Variants in SLC35F1 observed in about 807,000 individuals in gnomAD.
The protein encoded by SLC35F1 is solute carrier family 35 member F1.
In SLC35F1, 14 loss-of-function variants were observed where a neutral mutation model predicts 48.7. The ratio of observed to expected loss-of-function variants is 0.29; its 90% CI spans 0.19 to 0.45. SLC35F1 has a LOEUF of 0.45. Among genes scored for constraint, SLC35F1 ranks in the 20% least tolerant of loss-of-function variants. The pLI is 1.00. For synonymous variants in SLC35F1, 190 were observed against 202.2 expected, an observed-to-expected ratio of 0.94 and a Z score of 0.51; for missense variants, 404 against 500.0, an observed-to-expected ratio of 0.81 and a Z score of 1.83.
At chr6:118,131,207 T>G (rs1252630551) in intron 1 of SLC35F1, among the ~76,000 whole-genome samples, 2 of 152,042 alleles carry the variant, frequency 1.3e-5, no homozygotes, top group Non-Finnish European at 2.9e-5. Context: ...AAGAATTTTT[T>G]TATTGATTCA....
intron 3 of SLC35F1, among the ~76,000 whole-genome samples, chr6:118,264,117 G>C (rs1293898266): frequency 6.6e-6 from 1 of 152,216 alleles, no homozygotes; most frequent in Non-Finnish European, 1.5e-5. Context: ...TCTAAACTGA[G>C]GAGATACTGC....
chr6:118,216,816 A>G (rs1290453370), intron 2 of SLC35F1, among the ~76,000 whole-genome samples: 1 of 152,182 alleles, frequency 6.6e-6, no homozygotes, highest in Non-Finnish European at 1.5e-5. Flanking sequence ...TGGATATATT[A>G]CAGAACTTCA....
At chr6:118,238,713 G>T (rs1775399106) in intron 3 of SLC35F1, among the ~76,000 whole-genome samples, 1 of 152,102 alleles carries the variant, frequency 6.6e-6, no homozygotes. Flanking sequence ...AAAGATGCTT[G>T]CCCACAACCA....
intron 1 of SLC35F1, among the ~76,000 whole-genome samples, chr6:118,114,522 C>T (rs569319639): frequency 3.3e-5 from 5 of 150,772 alleles, no homozygotes; most frequent in African/African-American, 9.7e-5. Context: ...TACAGGGGCC[C>T]GCCACCACGC....
At chr6:118,176,342 A>G (rs927207899) in intron 2 of SLC35F1, among the ~76,000 whole-genome samples, 4 of 151,984 alleles carry the variant, frequency 2.6e-5, no homozygotes, top group African/African-American at 9.7e-5. Flanking sequence ...TCAGATTGGG[A>G]GGAGATTGAT....
chr6:117,962,693 C>CA (rs1776514512), intron 1 of SLC35F1, among the ~76,000 whole-genome samples: 1 of 152,228 alleles, frequency 6.6e-6, no homozygotes, highest in African/African-American at 2.4e-5. Context: ...TGCCAGCTCC[C>CA]ATCAGCTGCA....
intron 1 of SLC35F1, among the ~76,000 whole-genome samples, chr6:118,032,427 A>G (rs562928012): frequency 4.4e-4 from 67 of 152,334 alleles, no homozygotes; most frequent in African/African-American, 1.6e-3. Flanking sequence ...GGCTAGACAC[A>G]TGAGGTTGAA....
At chr6:118,283,804 C>A (rs555164620) in intron 6 of SLC35F1, among the ~76,000 whole-genome samples, 1 of 152,190 alleles carries the variant, frequency 6.6e-6, no homozygotes, top group East Asian at 1.9e-4. Flanking sequence ...AAATGCACTA[C>A]AGGGAGCATG....
chr6:118,284,664 C>A (rs1273077308), intron 6 of SLC35F1, among the ~76,000 whole-genome samples: 3 of 152,232 alleles, frequency 2.0e-5, no homozygotes, highest in East Asian at 3.9e-4. Context: ...ATTCGTCCAC[C>A]CAAGGCCACA....
rs138160645 is a variant in SLC35F1 at position 118,266,295 on chromosome 6, C to A, written c.478-700C>A. Among the ~76,000 whole-genome samples the A allele has an allele frequency of 2.6e-5, 4 of 152,258 alleles. No individual in the cohort carries two copies. The East Asian group carries it at 7.7e-4, about 29-fold the overall frequency. ...TTTGGACTTACATGTCAGATGGAAT[C>A]TCACTATTTGTACAAAATATATAAA... is the stretch of plus-strand genomic sequence containing the variant. On this transcript the variant is annotated intron_variant, in intron 3 of 7. Transcript: ENST00000360388.
chr6:118,290,325 C>A (rs917853015), intron 7 of SLC35F1, among the ~76,000 whole-genome samples: 5 of 151,784 alleles, frequency 3.3e-5, no homozygotes, highest in Non-Finnish European at 7.4e-5. Flanking sequence ...AAGAGCCCTG[C>A]ACAGAAGCAG....
chr6:118,120,915 C>A (rs1423934497), intron 1 of SLC35F1, among the ~76,000 whole-genome samples: 2 of 135,860 alleles, frequency 1.5e-5, no homozygotes, highest in African/African-American at 5.0e-5. Flanking sequence ...TAATTCCCAG[C>A]ATGATCATCT....
At chr6:118,160,182 T>C (rs1014552710) in intron 2 of SLC35F1, among the ~76,000 whole-genome samples, 4 of 152,234 alleles carry the variant, frequency 2.6e-5, no homozygotes, top group Non-Finnish European at 5.9e-5. Flanking sequence ...TCTTTTTATA[T>C]ACAGACCCTG....
intron 3 of SLC35F1, among the ~76,000 whole-genome samples, chr6:118,251,195 G>A (rs537744185): frequency 1.3e-5 from 2 of 152,244 alleles, no homozygotes; most frequent in East Asian, 3.9e-4. Context: ...GGCTGGGGTG[G>A]GAGGATCACT....
chr6:117,967,870 T>A (rs1776591151), intron 1 of SLC35F1, among the ~76,000 whole-genome samples: 1 of 152,224 alleles, frequency 6.6e-6, no homozygotes, highest in South Asian at 2.1e-4. Context: ...TTTCTTTGTT[T>A]CAGAAACTCT....
At chr6:118,290,569 T>G (rs11760111) in intron 7 of SLC35F1, among the ~76,000 whole-genome samples, 4 of 151,162 alleles carry the variant, frequency 2.6e-5, no homozygotes, top group Admixed American at 2.0e-4. Context: ...AAAAAAAAAA[T>G]TTATTTGCCT....
intron 1 of SLC35F1, among the ~76,000 whole-genome samples, chr6:118,019,956 C>G (rs1428920358): frequency 3.3e-5 from 5 of 152,172 alleles, no homozygotes; most frequent in Non-Finnish European, 7.4e-5. Flanking sequence ...GATTGAACCC[C>G]TTGGTCAATG....
intron 7 of SLC35F1, among the ~76,000 whole-genome samples, chr6:118,302,522 T>C (rs1405547564): frequency 1.3e-5 from 2 of 152,206 alleles, no homozygotes; most frequent in African/African-American, 4.8e-5. Flanking sequence ...TGTCTCACCA[T>C]GCCCATCTTC....
chr6:118,202,127 TA>T (rs2114536830), intron 2 of SLC35F1, among the ~76,000 whole-genome samples: 1 of 152,318 alleles, frequency 6.6e-6, no homozygotes, highest in African/African-American at 2.4e-5. Context: ...GGTATATACC[TA>T]GGAGAGAAAT....
Sources: allele counts gnomAD v4.1 joint callset (sites outside exome capture counted in the v4.1 genomes callset), GRCh38; gene constraint gnomAD v4.1.1; transcripts MANE v1.5; gene names NCBI Gene and HGNC (gene_info 2026-07-23, HGNC 2026-07-21).